The following CNTN4 variants were observed in gnomAD, a reference collection of about 807,000 sequenced individuals.
The protein encoded by CNTN4 is contactin 4.
CNTN4 carries 77 observed loss-of-function variants against 122.5 expected under a neutral mutation model. The ratio of observed to expected loss-of-function variants is 0.63; its 90% confidence interval spans 0.52 to 0.76. The LOEUF (loss-of-function observed/expected upper bound fraction) is 0.76. Ranked by LOEUF, CNTN4 falls within the 30% of genes least tolerant of loss-of-function variation. The pLI, the probability that CNTN4 is intolerant of heterozygous loss-of-function variation, is 0.00. For missense variants in CNTN4, 1,256 were observed against 1,259.1 expected (o/e 1.00, Z 0.04); for synonymous variants, 512 against 447.0 (o/e 1.15, Z -1.83).
chr3:2,479,524 G>A (rs775269746), intron 3 of CNTN4, among the ~76,000 whole-genome samples: 6 of 152,168 alleles, frequency 3.9e-5, no homozygotes, highest in Non-Finnish European at 8.8e-5. Context: ...AGCGGGGAAG[G>A]GAACCAGGGT....
chr3:2,345,951 A>G (rs1049881163), intron 3 of CNTN4, among the ~76,000 whole-genome samples: 1 of 152,098 alleles, frequency 6.6e-6, no homozygotes, highest in African/African-American at 2.4e-5. Flanking sequence ...TTTCCTTTCT[A>G]ATTTGTTTTC....
intron 6 of CNTN4, among the ~76,000 whole-genome samples, chr3:2,749,396 C>A (rs929853817): frequency 3.4e-5 from 5 of 148,712 alleles, no homozygotes; most frequent in Non-Finnish European, 7.4e-5. Flanking sequence ...TGGTTTCGAA[C>A]TCCTGATCTC....
chr3:2,527,265 T>G (rs2077430183), intron 3 of CNTN4, among the ~76,000 whole-genome samples: 1 of 152,222 alleles, frequency 6.6e-6, no homozygotes, highest in Non-Finnish European at 1.5e-5. Flanking sequence ...TGGCCCTGTT[T>G]CATCTTTTTA....
chr3:2,328,311 C>T (rs1438422964), intron 2 of CNTN4, among the ~76,000 whole-genome samples: 17 of 150,528 alleles, frequency 1.1e-4, no homozygotes, highest in South Asian at 2.1e-4. Context: ...GAGGCTGAGG[C>T]AGGAGAATGG....
intron 2 of CNTN4, among the ~76,000 whole-genome samples, chr3:2,299,490 C>G (rs1312731909): frequency 6.6e-6 from 1 of 152,064 alleles, no homozygotes; most frequent in Non-Finnish European, 1.5e-5. Flanking sequence ...TCTGAATCTT[C>G]AAAGTCCATT....
At chr3:3,008,482 T>C (rs1413290830) in intron 14 of CNTN4, among the ~76,000 whole-genome samples, 1 of 152,268 alleles carries the variant, frequency 6.6e-6, no homozygotes, top group African/African-American at 2.4e-5. Flanking sequence ...ACTCATTAAA[T>C]ATGATGGGGA....
At chr3:2,159,784 A>G (rs953054856) in intron 2 of CNTN4, among the ~76,000 whole-genome samples, 1 of 151,738 alleles carries the variant, frequency 6.6e-6, no homozygotes, top group Non-Finnish European at 1.5e-5. Context: ...TTGTCCCACA[A>G]TCATTTTTTA....
chr3:2,546,512 C>G (rs751502685), intron 3 of CNTN4, among the ~76,000 whole-genome samples: 1 of 151,866 alleles, frequency 6.6e-6, no homozygotes, highest in Admixed American at 6.6e-5. Flanking sequence ...GCGAGTGTGA[C>G]GAGGTGGAAA....
At chr3:2,315,234 G>C (rs1163939036) in intron 2 of CNTN4, among the ~76,000 whole-genome samples, 1 of 133,494 alleles carries the variant, frequency 7.5e-6, no homozygotes, top group Non-Finnish European at 1.7e-5. Context: ...GCTATAATAA[G>C]TAACTTCTCT....
chr3:2,834,898 CTTTTTTTTTTTTT>C lies in CNTN4; in HGVS notation c.454+15329_454+15341del, dbSNP rs71058653. On this transcript the variant is annotated intron_variant, in intron 7 of 24. Transcript: ENST00000418658. ...AAGCATTAAATTAGATAAAGGCAAC[CTTTTTTTTTTTTT>C]TTTTTTTTTTTGAGACTGAGTCTCT... Among the ~76,000 whole-genome samples the C allele has an allele frequency of 2.5e-3, 151 of 60,468 alleles. 5 individuals carry two copies. Among genetic ancestry groups the C allele is most frequent in the African/African-American group, 0.011 (149 of 13,276 alleles). 39.7% of individuals were successfully genotyped at this position (60,468 alleles called of 152,430 possible).
chr3:2,575,045 T>C (rs1425186353), intron 4 of CNTN4, among the ~76,000 whole-genome samples: 2 of 152,112 alleles, frequency 1.3e-5, no homozygotes, highest in Admixed American at 1.3e-4. Context: ...TAGTATATTT[T>C]AAAATAGGTA....
intron 2 of CNTN4, among the ~76,000 whole-genome samples, chr3:2,331,715 A>G (rs539921397): frequency 6.6e-6 from 1 of 152,008 alleles, no homozygotes; most frequent in East Asian, 1.9e-4. Context: ...GAACATCTGA[A>G]CCTCCAGCCT....
rs963601181 is a variant in CNTN4 at position 2,454,965 on chromosome 3, G to A, written c.-89+115732G>A. Among the ~76,000 whole-genome samples, 4 of 152,140 alleles carry A rather than the reference G, an allele frequency of 2.6e-5. No homozygotes were observed. In the East Asian group the frequency reaches 5.8e-4, roughly 22 times the overall value. On this transcript the variant is annotated intron_variant, in intron 3 of 24. Coordinates refer to ENST00000418658, the MANE Select transcript of CNTN4 (RefSeq NM_175607.3). ...GGAAGTAGAGCTAAAAGATAAAAGA[G>A]TCTTTGATTATAAATAACTAAAAGG... is the stretch of plus-strand genomic sequence containing the variant.
intron 13 of CNTN4, among the ~76,000 whole-genome samples, chr3:2,948,823 A>G (rs2094706255): frequency 6.6e-6 from 1 of 152,176 alleles, no homozygotes; most frequent in African/African-American, 2.4e-5. Context: ...AATATTCAAA[A>G]TCCTGAATGC....
chr3:2,334,659 C>T (rs558486024), intron 2 of CNTN4, among the ~76,000 whole-genome samples: 3 of 152,200 alleles, frequency 2.0e-5, no homozygotes, highest in South Asian at 2.1e-4. Context: ...AGTGACTAAG[C>T]GCAATTATAG....
intron 4 of CNTN4, among the ~76,000 whole-genome samples, chr3:2,728,810 G>T (rs969035075): frequency 2.0e-5 from 3 of 152,182 alleles, no homozygotes; most frequent in Admixed American, 1.3e-4. Flanking sequence ...AGGTGTCCTA[G>T]AGTTTACTTC....
At chr3:2,872,540 G>T (rs1187171839) in intron 8 of CNTN4, among the ~76,000 whole-genome samples, 5 of 151,944 alleles carry the variant, frequency 3.3e-5, no homozygotes, top group African/African-American at 1.2e-4. Context: ...TATAGCCTGT[G>T]TCTGTCTGAT....
chr3:2,851,928 C>A (rs958796612), intron 7 of CNTN4, among the ~76,000 whole-genome samples: 1 of 152,108 alleles, frequency 6.6e-6, no homozygotes, highest in African/African-American at 2.4e-5. Flanking sequence ...TAAAGGAGAA[C>A]TGAACAGATT....
At chr3:2,312,512 T>C (rs1368555535) in intron 2 of CNTN4, among the ~76,000 whole-genome samples, 1 of 152,010 alleles carries the variant, frequency 6.6e-6, no homozygotes, top group Non-Finnish European at 1.5e-5. Flanking sequence ...CTATGAAAAA[T>C]TCTTATCCCA....
Sources: allele counts gnomAD v4.1 joint callset (sites outside exome capture counted in the v4.1 genomes callset), GRCh38; gene constraint gnomAD v4.1.1; transcripts MANE v1.5; gene names NCBI Gene and HGNC (gene_info 2026-07-23, HGNC 2026-07-21).